NRG3: variants seen among roughly 807,000 people sequenced by gnomAD.
NRG3 encodes the protein neuregulin 3.
NRG3 carries 31 observed loss-of-function variants against 66.9 expected under a neutral mutation model. That is an observed-to-expected ratio of 0.46 (90% CI 0.35 to 0.63). The LOEUF (loss-of-function observed/expected upper bound fraction) is 0.63. Among genes scored for constraint, NRG3 ranks in the 20% least tolerant of loss-of-function variants. NRG3 has a pLI of 0.00. For synonymous variants in NRG3, 393 were observed against 359.4 expected, an observed-to-expected ratio of 1.09 and a Z score of -1.06; for missense variants, 910 against 878.9, an observed-to-expected ratio of 1.04 and a Z score of -0.45.
chr10:81,985,493 A>C (rs956634376), intron 1 of NRG3, among the ~76,000 whole-genome samples: 4 of 152,348 alleles, frequency 2.6e-5, no homozygotes, highest in African/African-American at 7.2e-5. Flanking sequence ...AATCGCTATC[A>C]ATGATATTTC....
At chr10:82,550,662 A>G (rs559156539) in intron 2 of NRG3, among the ~76,000 whole-genome samples, 21 of 152,278 alleles carry the variant, frequency 1.4e-4, no homozygotes, top group African/African-American at 5.1e-4. Context: ...ATTCATGTGT[A>G]ATAAACATGG....
chr10:82,849,898 G>A (rs76936321), intron 3 of NRG3, among the ~76,000 whole-genome samples: 91 of 152,290 alleles, frequency 6.0e-4, no homozygotes, highest in African/African-American at 1.8e-3. Flanking sequence ...GATGTTCAAA[G>A]CAAAGGGATA....
intron 2 of NRG3, among the ~76,000 whole-genome samples, chr10:82,696,347 T>C (rs532638566): frequency 6.6e-6 from 1 of 152,214 alleles, no homozygotes; most frequent in Non-Finnish European, 1.5e-5. Flanking sequence ...TATATACTTA[T>C]AGTATATATT....
intron 2 of NRG3, among the ~76,000 whole-genome samples, chr10:82,733,739 C>T (rs2058030123): frequency 6.6e-6 from 1 of 152,090 alleles, no homozygotes; most frequent in Non-Finnish European, 1.5e-5. Flanking sequence ...TTTTGTTTTC[C>T]TAACAAGAGG....
rs1192033295 is a variant in NRG3 at position 81,935,919 on chromosome 10, A to ACACACACACACAC, written c.823+59762_823+59763insCACACACCACACA. Among the ~76,000 whole-genome samples, 338 of 146,746 alleles carry ACACACACACACAC rather than the reference A, an allele frequency of 2.3e-3. 3 individuals carry two copies. Among genetic ancestry groups the ACACACACACACAC allele is most frequent in the African/African-American group, 7.9e-3 (303 of 38,420 alleles). ...CACACACACACACACACACACACACACACACAGTTTCCTGTGTTAAAATGG... is the reference window on the plus strand; with the variant it reads ...CACACACACACACACACACACACACACACACACACACACCACACAGTTTCCTGTGTTAAAATGG... On this transcript the variant is annotated intron_variant, in intron 1 of 8. Coordinates refer to ENST00000372141, the MANE Select transcript of NRG3 (RefSeq NM_001010848.4).
In NRG3 at chr10:82,257,698, C is replaced by T. The variant is rs143549378; in HGVS notation, c.824-101041C>T. ...GGTAGGATTGCTTGAACCTGGGAGACGAAGGTTGCAGTGAGCCAAGATCAC... is the reference window on the plus strand; with the variant it reads ...GGTAGGATTGCTTGAACCTGGGAGATGAAGGTTGCAGTGAGCCAAGATCAC... On this transcript the variant is annotated intron_variant, in intron 1 of 8. Transcript: ENST00000372141. Among the ~76,000 whole-genome samples, 944 of 151,874 alleles carry T rather than the reference C, an allele frequency of 6.2e-3. 7 individuals are homozygous for T. The highest frequency in any genetic ancestry group is 0.022 in the African/African-American group (904 of 41,392).
chr10:82,832,651 G>A (rs982331101), intron 3 of NRG3, among the ~76,000 whole-genome samples: 1 of 151,768 alleles, frequency 6.6e-6, no homozygotes, highest in African/African-American at 2.4e-5. Flanking sequence ...GCGATGAGAG[G>A]GTATTATTTA....
chr10:82,196,701 G>C (rs921720526), intron 1 of NRG3, among the ~76,000 whole-genome samples: 1 of 152,136 alleles, frequency 6.6e-6, no homozygotes, highest in South Asian at 2.1e-4. Context: ...CACAATTCCA[G>C]CTCTCACTGT....
intron 3 of NRG3, among the ~76,000 whole-genome samples, chr10:82,842,910 G>A (rs1265095969): frequency 5.3e-5 from 8 of 152,110 alleles, no homozygotes; most frequent in Non-Finnish European, 5.9e-5. Context: ...TTTTATACAT[G>A]CACACCTATG....
intron 3 of NRG3, among the ~76,000 whole-genome samples, chr10:82,819,017 T>A (rs967832552): frequency 6.6e-5 from 10 of 152,368 alleles, no homozygotes; most frequent in South Asian, 2.1e-4. Flanking sequence ...ATGATTTTTT[T>A]AAAATCCTAA....
In NRG3 at chr10:81,935,658, G is replaced by T. The variant is rs556246769; in HGVS notation, c.823+59495G>T. On this transcript the variant is annotated intron_variant, in intron 1 of 8. Coordinates refer to ENST00000372141, the MANE Select transcript of NRG3 (RefSeq NM_001010848.4). Reference sequence around the variant, plus strand: ...TCTTCTTGATGCCTATTTGACAGAAGGATTGAGCACTTTCTGTTTCTGTTG... The same window carrying T: ...TCTTCTTGATGCCTATTTGACAGAATGATTGAGCACTTTCTGTTTCTGTTG... 8.5e-5 allele frequency among the ~76,000 whole-genome samples: 13 copies of T among 152,192 alleles called. No homozygotes were observed. In the South Asian group the frequency reaches 2.7e-3, roughly 32 times the overall value.
chr10:82,623,232 AGG>A (rs2049165186), intron 2 of NRG3, among the ~76,000 whole-genome samples: 1 of 152,184 alleles, frequency 6.6e-6, no homozygotes, highest in South Asian at 2.1e-4. Flanking sequence ...CTTCGGGAGT[AGG>A]ACTTAAGGAT....
chr10:82,070,528 T>C (rs2064746806), intron 1 of NRG3, among the ~76,000 whole-genome samples: 2 of 152,246 alleles, frequency 1.3e-5, no homozygotes, highest in East Asian at 1.9e-4. Context: ...AATATAAAAA[T>C]GTTAAATGTT....
intron 4 of NRG3, among the ~76,000 whole-genome samples, chr10:82,923,402 G>T (rs1225312778): frequency 6.6e-6 from 1 of 152,094 alleles, no homozygotes; most frequent in Non-Finnish European, 1.5e-5. Flanking sequence ...CCAAAGCCTG[G>T]ATTATGTACT....
At chr10:82,843,223 GT>G in intron 3 of NRG3, 2 of 454,358 alleles carry the variant, frequency 4.4e-6, no homozygotes, top group African/African-American at 2.0e-5. Context: ...CATTATAACA[GT>G]ATTACGAAGT....
intron 2 of NRG3, among the ~76,000 whole-genome samples, chr10:82,718,786 T>C (rs1187096292): frequency 2.0e-5 from 3 of 152,210 alleles, no homozygotes; most frequent in Admixed American, 2.0e-4. Flanking sequence ...TCACTTCTTA[T>C]TTACTTCTGA....
At chr10:82,663,278 C>A (rs981633174) in intron 2 of NRG3, among the ~76,000 whole-genome samples, 2 of 152,190 alleles carry the variant, frequency 1.3e-5, no homozygotes, top group Admixed American at 6.6e-5. Flanking sequence ...TGAGTCTAAG[C>A]AGGGGCTGAG....
chr10:81,946,173 C>T (rs1052379293), intron 1 of NRG3, among the ~76,000 whole-genome samples: 3 of 152,268 alleles, frequency 2.0e-5, no homozygotes, highest in Non-Finnish European at 2.9e-5. Flanking sequence ...CCCGCCACTA[C>T]GCCCAGCTAA....
At chr10:82,723,997 TA>T (rs1457369882) in intron 2 of NRG3, among the ~76,000 whole-genome samples, 3 of 133,670 alleles carry the variant, frequency 2.2e-5, no homozygotes, top group African/African-American at 8.8e-5. Flanking sequence ...AGTAAATAAA[TA>T]AAAAAAATTT....
Sources: allele counts gnomAD v4.1 joint callset (sites outside exome capture counted in the v4.1 genomes callset), GRCh38; gene constraint gnomAD v4.1.1; transcripts MANE v1.5; gene names NCBI Gene and HGNC (gene_info 2026-07-23, HGNC 2026-07-21).